The following RGL1 variants were observed in gnomAD, a reference collection of about 807,000 sequenced individuals.
RGL1 encodes the protein ral guanine nucleotide dissociation stimulator-like 1.
RGL1 carries 24 observed loss-of-function variants against 95.2 expected under a neutral mutation model. The observed-to-expected ratio is 0.25, with a 90% CI of 0.18 to 0.35. The LOEUF is 0.35. RGL1 is among the 10% of genes least tolerant of loss of function. RGL1 has a pLI of 1.00. For synonymous variants in RGL1, 329 were observed against 344.9 expected (o/e 0.95, Z 0.51); for missense variants, 715 against 936.3 (o/e 0.76, Z 3.08).
intron 1 of RGL1, among the ~76,000 whole-genome samples, chr1:183,737,405 A>C (rs965698325): frequency 8.5e-5 from 13 of 152,160 alleles, no homozygotes; most frequent in Admixed American, 7.9e-4. Flanking sequence ...AATAGAAGAA[A>C]TAAGTTATGA....
rs1005538653 is a variant in RGL1, at chr1:183,640,607, A to G, written c.-33+4106A>G. Among the ~76,000 whole-genome samples the G allele has an allele frequency of 2.0e-5, 3 of 152,206 alleles. No homozygotes were observed. The South Asian group carries it at 6.2e-4, about 31-fold the overall frequency. On this transcript the variant is annotated intron_variant, in intron 1 of 18. Coordinates refer to the RGL1 transcript ENST00000304685. The stretch of plus-strand genomic sequence containing the variant: ...CATTTGATTTTTTTAATGGCTTATG[A>G]TGATATAAAATGAAAGCTATGGACT...
chr1:183,916,678 G>A lies in RGL1; in HGVS notation c.1981G>A (p.Gly661Ser), dbSNP rs780044785. Residue 661 changes from glycine (G) to serine (S), a missense_variant, in exon 16 of 18, where the codon GGC becomes AGC. This residue lies in a region of RGL1 where 330 missense variants were observed against 429.6 expected (regional missense o/e 0.77). Transcript: ENST00000360851. ...CCGCATCAGTGTGGAAGACAATAAC[G>A]GCAACATGTACAAGAGCATCATGGT... ...IIRISVEDNN[G>S]NMYKSIMLTS... The A allele has an allele frequency of 1.9e-6, 3 of 1,613,102 alleles. No individual in the cohort carries two copies. The highest frequency in any genetic ancestry group is 1.1e-5 in the South Asian group (1 of 91,054).
intron 5 of RGL1, 42 bp downstream of exon 5, chr1:183,880,842 T>A: frequency 6.3e-7 from 1 of 1,582,332 alleles, no homozygotes; most frequent in Non-Finnish European, 8.6e-7. Context: ...TAGATTCTGA[T>A]TCTCCAGCCT....
rs1174658841 is a variant in RGL1 at position 183,793,990 on chromosome 1, A to G, written c.133-12385A>G. Among the ~76,000 whole-genome samples, 5 of 152,170 alleles carry G rather than the reference A, an allele frequency of 3.3e-5. No homozygotes were observed. The East Asian group carries it at 7.7e-4, about 23-fold the overall frequency. ...CTCCATGTATATTTCAGCACTATTC[A>G]TAATAGCCACGATATAGAATCAACC... On this transcript the variant is annotated intron_variant, in intron 2 of 18. Coordinates refer to the RGL1 transcript ENST00000304685.
chr1:183,648,656 T>C (rs562884646), intron 1 of RGL1: 4 of 1,614,212 alleles, frequency 2.5e-6, no homozygotes, highest in Non-Finnish European at 3.4e-6. Flanking sequence ...TGAGGGAAAC[T>C]CTTGCTTCTT....
chr1:183,711,157 G>T (rs530906991), intron 1 of RGL1, among the ~76,000 whole-genome samples: 1 of 152,272 alleles, frequency 6.6e-6, no homozygotes, highest in Non-Finnish European at 1.5e-5. Flanking sequence ...ACCCTTTGCA[G>T]TGTGCACTCA....
At chr1:183,643,399 C>T (rs1471729591) in intron 1 of RGL1, among the ~76,000 whole-genome samples, 1 of 151,912 alleles carries the variant, frequency 6.6e-6, no homozygotes, top group Admixed American at 6.6e-5. Flanking sequence ...TCAAGTGATT[C>T]TCCTGCCTCA....
chr1:183,881,402 T>A (rs1400673874), intron 5 of RGL1, among the ~76,000 whole-genome samples: 1 of 152,188 alleles, frequency 6.6e-6, no homozygotes, highest in Non-Finnish European at 1.5e-5. Flanking sequence ...CTGCAGCTGT[T>A]TTTCCCTATT....
intron 4 of RGL1, among the ~76,000 whole-genome samples, chr1:183,877,852 T>C (rs929820442): frequency 2.0e-5 from 3 of 152,210 alleles, no homozygotes; most frequent in African/African-American, 7.2e-5. Flanking sequence ...AGGGCAAGTC[T>C]AATGTGGACG....
rs150661515 is a variant in RGL1, at chr1:183,897,946, G to A, written c.1230+49G>A. On this transcript the variant is annotated intron_variant, in intron 10 of 17. Coordinates refer to ENST00000360851, the MANE Select transcript of RGL1 (RefSeq NM_001297671.3). ...TGACAGCTCACAGAGGAGAAGGGCC[G>A]TGTGCGTCTGGGCTCCCACATGGCA... is the stretch of plus-strand genomic sequence containing the variant. 8.4e-3 allele frequency: 12,638 copies of A among 1,508,996 alleles called. 84 individuals are homozygous for A. The highest frequency in any genetic ancestry group is 0.014 in the Middle Eastern group (81 of 5,790). The allele number at this position is 1,508,996 out of a possible 1,614,324, so 93.5% of individuals were successfully genotyped here.
intron 4 of RGL1, among the ~76,000 whole-genome samples, chr1:183,876,333 G>T (rs1218504969): frequency 2.0e-5 from 3 of 152,240 alleles, no homozygotes; most frequent in Non-Finnish European, 4.4e-5. Context: ...ATAGACGATT[G>T]CAGTCGGTTG....
At chr1:183,753,702 C>T (rs958970971) in intron 2 of RGL1, among the ~76,000 whole-genome samples, 1 of 152,154 alleles carries the variant, frequency 6.6e-6, no homozygotes, top group Non-Finnish European at 1.5e-5. Flanking sequence ...TTGCTACAAG[C>T]CCAATCCTGA....
At chr1:183,792,173 T>C (rs1321133174) in intron 2 of RGL1, among the ~76,000 whole-genome samples, 1 of 152,064 alleles carries the variant, frequency 6.6e-6, no homozygotes, top group Admixed American at 6.5e-5. Context: ...TGTGGGGTTT[T>C]TTTTTTGTTT....
intron 16 of RGL1, among the ~76,000 whole-genome samples, chr1:183,918,563 G>A (rs116578163): frequency 0.01 from 1,533 of 152,260 alleles, 31 homozygotes; most frequent in Non-Finnish European, 0.012. Context: ...CTCAGTCTGG[G>A]GGGAACTGTG....
At chr1:183,913,125 A>G (rs1668744615) in intron 15 of RGL1, among the ~76,000 whole-genome samples, 4 of 152,054 alleles carry the variant, frequency 2.6e-5, no homozygotes, top group Middle Eastern at 6.8e-3. Context: ...GACTGCATAA[A>G]TAAAAATTTA....
chr1:183,792,775 C>A (rs2102381909), intron 2 of RGL1, among the ~76,000 whole-genome samples: 2 of 152,054 alleles, frequency 1.3e-5, no homozygotes, highest in East Asian at 3.9e-4. Flanking sequence ...ATGAAAATTA[C>A]AAAACACTGA....
chr1:183,682,135 T>G (rs1458678225), intron 1 of RGL1, among the ~76,000 whole-genome samples: 1 of 152,096 alleles, frequency 6.6e-6, no homozygotes, highest in Non-Finnish European at 1.5e-5. Context: ...GATTCATTGA[T>G]TTTTTTGAAG....
chr1:183,908,230 A>G (rs992006317), intron 14 of RGL1, among the ~76,000 whole-genome samples: 2 of 152,040 alleles, frequency 1.3e-5, no homozygotes, highest in African/African-American at 2.4e-5. Context: ...CTCTCCACCT[A>G]CTTCAGTGAG....
chr1:183,913,662 T>C (rs1183137321), intron 15 of RGL1, among the ~76,000 whole-genome samples: 1 of 152,200 alleles, frequency 6.6e-6, no homozygotes, highest in Non-Finnish European at 1.5e-5. Context: ...GTCAGTAAGG[T>C]AGAATGTTGG....
Sources: gnomAD v4.1 joint callset for allele counts (sites outside exome capture counted in the v4.1 genomes callset) on GRCh38, gnomAD v4.1.1 for gene constraint, gnomAD v4.1.1 regional missense constraint, MANE v1.5 for transcripts, NCBI Gene and HGNC (gene_info 2026-07-23, HGNC 2026-07-21) for gene names.